The following RNF170 variants were observed in gnomAD, a reference collection of about 807,000 sequenced individuals.
The protein encoded by RNF170 is ring finger protein 170.
RNF170 carries 12 observed loss-of-function variants against 32.7 expected under a neutral mutation model. The observed-to-expected ratio is 0.37, with a 90% confidence interval of 0.24 to 0.60. The LOEUF is 0.60. Among genes scored for constraint, RNF170 ranks in the 20% least tolerant of loss-of-function variants. The pLI, the probability that RNF170 is intolerant of heterozygous loss-of-function variation, is 0.72. For synonymous variants in RNF170, 91 were observed against 103.6 expected (o/e 0.88, Z 0.74); for missense variants, 212 against 311.2 (o/e 0.68, Z 2.40).
At position 42,855,419 on chromosome 8, in the gene RNF170, G is replaced by A. The variant is rs1803178584; in HGVS notation, c.*740C>T. On this transcript the variant is annotated 3_prime_UTR_variant, in exon 7 of 7. Coordinates refer to ENST00000527424, the MANE Select transcript of RNF170 (RefSeq NM_030954.4). The stretch of plus-strand genomic sequence containing the variant: ...GTAGAGACGGGGTTTCACCATGTTA[G>A]CCAGGATGGTCCTGATCTCCTGACC... 1 of 717,302 alleles carries A rather than the reference G, an allele frequency of 1.4e-6. No individual in the cohort carries two copies. The highest frequency in any genetic ancestry group is 1.9e-5 in the African/African-American group (1 of 53,604). The allele number at this position is 717,302 out of a possible 1,614,324, so 44.4% of individuals were successfully genotyped here.
intron 5 of RNF170, among the ~76,000 whole-genome samples, chr8:42,863,306 T>C (rs1803796935): frequency 6.6e-6 from 1 of 152,110 alleles, no homozygotes; most frequent in South Asian, 2.1e-4. Flanking sequence ...ACATGTCCTA[T>C]GAAAAGCCAT....
chr8:42,850,858 G>A (rs970546783), downstream of RNF170: 6 of 1,551,534 alleles, frequency 3.9e-6, no homozygotes, highest in African/African-American at 6.8e-5. Context: ...TGAGGCTGAA[G>A]GGAGCATTCG....
intron 6 of RNF170, chr8:42,861,491 C>T (rs1359958707): frequency 7.1e-6 from 3 of 425,382 alleles, no homozygotes; most frequent in Non-Finnish European, 1.3e-5. Context: ...CAGGCATGTG[C>T]CAACACTCTT....
chr8:42,859,977 T>C (rs978848403), intron 6 of RNF170, among the ~76,000 whole-genome samples: 1 of 151,960 alleles, frequency 6.6e-6, no homozygotes, highest in Non-Finnish European at 1.5e-5. Flanking sequence ...GCAGTAAAAA[T>C]AATAGGACAC....
chr8:42,897,244 A>T (rs367697887), upstream of RNF170: 55 of 1,156,896 alleles, frequency 4.8e-5, 1 homozygote, highest in East Asian at 7.4e-4. Flanking sequence ...ACCTACCGGG[A>T]CCCTCCACGC....
downstream of RNF170, among the ~76,000 whole-genome samples, chr8:42,851,422 G>T (rs1335273199): frequency 1.3e-5 from 2 of 152,008 alleles, no homozygotes; most frequent in Middle Eastern, 3.4e-3. Flanking sequence ...AAAATTAGTT[G>T]GGTGTGGTGG....
intron 1 of RNF170, among the ~76,000 whole-genome samples, chr8:42,894,690 G>C (rs915452803): frequency 6.6e-6 from 1 of 151,918 alleles, no homozygotes; most frequent in African/African-American, 2.4e-5. Flanking sequence ...TCAGCCTCCC[G>C]AGTAGCTGGG....
chr8:42,871,428 AATAAAT>A (rs1481828718), intron 3 of RNF170, among the ~76,000 whole-genome samples: 1 of 152,150 alleles, frequency 6.6e-6, no homozygotes, highest in Non-Finnish European at 1.5e-5. Flanking sequence ...TTTAAATAAT[AATAAAT>A]ATAACTAAAA....
chr8:42,855,927 A>G lies in RNF170; in HGVS notation c.*232T>C. The G allele has an allele frequency of 7.6e-7, 1 of 1,309,136 alleles. No individual in the cohort carries two copies. The highest frequency in any genetic ancestry group is 1.0e-6 in the Non-Finnish European group (1 of 990,926). The allele number at this position is 1,309,136 out of a possible 1,614,324, so 81.1% of individuals were successfully genotyped here. A position where few individuals can be genotyped will look rare whatever the true frequency, so the allele number is the denominator to read the frequency against. Reference sequence around the variant, plus strand: ...ATTTTTTCCAGACAACATAGAATCAAGATACAACTGTAGATCATTATAATT... The same window carrying G: ...ATTTTTTCCAGACAACATAGAATCAGGATACAACTGTAGATCATTATAATT... On this transcript the variant is annotated 3_prime_UTR_variant, in exon 7 of 7. Transcript: ENST00000527424.
downstream of RNF170, chr8:42,849,673 T>C (rs1363367443): frequency 6.6e-6 from 1 of 152,256 alleles, no homozygotes; most frequent in Non-Finnish European, 1.5e-5. Context: ...ACCATGGATA[T>C]TGAGACTGCT....
At position 42,854,131 on chromosome 8, in the gene RNF170, TTTACCTA is replaced by T. The variant is rs1202546577; in HGVS notation, c.*2021_*2027del. On this transcript the variant is annotated 3_prime_UTR_variant, in exon 7 of 7. Coordinates refer to ENST00000527424, the MANE Select transcript of RNF170 (RefSeq NM_030954.4). The stretch of plus-strand genomic sequence containing the variant: ...GTTTTTCTGTGATGTATGCCACCCT[TTTACCTA>T]TTTGATTTGGAAGTGTAGAATTCGG... 2 of 1,287,256 alleles carry T rather than the reference TTTACCTA, an allele frequency of 1.6e-6. No homozygotes were observed. Among genetic ancestry groups the T allele is most frequent in the East Asian group, 1.1e-4 (2 of 18,030 alleles). The allele number at this position is 1,287,256 out of a possible 1,614,324, so 79.7% of individuals were successfully genotyped here. A position where few individuals can be genotyped will look rare whatever the true frequency, so the allele number is the denominator to read the frequency against.
At chr8:42,876,591 C>T (rs1010032093) in intron 2 of RNF170, among the ~76,000 whole-genome samples, 4 of 151,660 alleles carry the variant, frequency 2.6e-5, no homozygotes, top group Admixed American at 2.0e-4. Flanking sequence ...CCCAGCCTCT[C>T]GAACTGTGAG....
chr8:42,897,228 C>T (rs926166805), upstream of RNF170: 3 of 1,211,432 alleles, frequency 2.5e-6, no homozygotes, highest in South Asian at 4.2e-5. Flanking sequence ...ACCCCCTCCC[C>T]CCGCCACCTA....
rs1265383760 is a variant in RNF170, at chr8:42,853,418, T to C, written c.*2741A>G. The C allele has an allele frequency of 1.6e-6, 2 of 1,287,074 alleles. No individual in the cohort carries two copies. Among genetic ancestry groups the C allele is most frequent in the Admixed American group, 2.3e-5 (1 of 43,540 alleles). 79.7% of individuals were successfully genotyped at this position (1,287,074 alleles called of 1,614,324 possible). A position where few individuals can be genotyped will look rare whatever the true frequency, so the allele number is the denominator to read the frequency against. On this transcript the variant is annotated 3_prime_UTR_variant, in exon 7 of 7. Transcript: ENST00000527424. ...CAACTCTGTGAGGTAGGTATCTGCA[T>C]AGCCACAAGGGATCCACATAGTCCT...
intron 1 of RNF170, among the ~76,000 whole-genome samples, chr8:42,895,682 G>C (rs1385989469): frequency 6.6e-6 from 1 of 152,086 alleles, no homozygotes; most frequent in African/African-American, 2.4e-5. Context: ...TGGAATACTA[G>C]GCAACAATTA....
downstream of RNF170, among the ~76,000 whole-genome samples, chr8:42,851,446 T>C (rs1021198720): frequency 6.6e-6 from 1 of 151,382 alleles, no homozygotes; most frequent in African/African-American, 2.4e-5. Flanking sequence ...GCATCTGTAG[T>C]CCCAGCTACT....
At chr8:42,887,975 T>G in intron 1 of RNF170, 104 bp from the exon 2 acceptor site, 1 of 1,060,324 alleles carries the variant, frequency 9.4e-7, no homozygotes, top group Non-Finnish European at 1.4e-6. Context: ...ATATTTGGTT[T>G]CTGATAGGCT....
intron 2 of RNF170, among the ~76,000 whole-genome samples, chr8:42,885,138 C>T (rs1486373912): frequency 6.6e-6 from 1 of 151,902 alleles, no homozygotes; most frequent in Non-Finnish European, 1.5e-5. Context: ...TGGGATCGTG[C>T]AGTATTTGTC....
intron 6 of RNF170, among the ~76,000 whole-genome samples, chr8:42,857,996 T>C (rs1803365958): frequency 6.6e-6 from 1 of 152,164 alleles, no homozygotes. Flanking sequence ...GATCGCGCCA[T>C]TGCATTCTGG....
Sources: gnomAD v4.1 joint callset for allele counts (sites outside exome capture counted in the v4.1 genomes callset) on GRCh38, gnomAD v4.1.1 for gene constraint, MANE v1.5 for transcripts, NCBI Gene and HGNC (gene_info 2026-07-23, HGNC 2026-07-21) for gene names.